The following ANKFY1 variants were observed in gnomAD, a reference collection of about 807,000 sequenced individuals.
ANKFY1 encodes the protein ankyrin repeat and FYVE domain-containing protein 1.
ANKFY1 carries 47 observed loss-of-function variants against 128.3 expected under a neutral mutation model. The observed-to-expected ratio is 0.37, with a 90% CI of 0.29 to 0.47. The LOEUF (loss-of-function observed/expected upper bound fraction) is 0.47, where lower values mean the gene tolerates loss of function less well. ANKFY1 is among the 20% of genes least tolerant of loss of function. The pLI is 1.00. For missense variants in ANKFY1, 1,222 were observed against 1,510.6 expected (o/e 0.81, Z 3.17); for synonymous variants, 553 against 601.6 (o/e 0.92, Z 1.18).
At chr17:4,218,997 GAC>G (rs1471698286) in intron 3 of ANKFY1, among the ~76,000 whole-genome samples, 8 of 152,086 alleles carry the variant, frequency 5.3e-5, no homozygotes, top group African/African-American at 1.9e-4. Context: ...TAGAGAGGCA[GAC>G]ACACATTTTT....
At chr17:4,209,473 G>A (rs2060087743) in intron 5 of ANKFY1, among the ~76,000 whole-genome samples, 1 of 152,148 alleles carries the variant, frequency 6.6e-6, no homozygotes, top group Admixed American at 6.5e-5. Flanking sequence ...GCTAATTTTT[G>A]TATTTTTAGT....
At chr17:4,241,813 G>A (rs566003030) in intron 2 of ANKFY1, among the ~76,000 whole-genome samples, 59 of 151,802 alleles carry the variant, frequency 3.9e-4, no homozygotes, top group African/African-American at 1.9e-4. Context: ...CCTCGGGCCC[G>A]GCACGGTGGC....
At chr17:4,263,741 A>G (rs2143625714) in intron 1 of ANKFY1, 191 bp downstream of exon 1, 2 of 1,492,742 alleles carry the variant, frequency 1.3e-6, no homozygotes, top group East Asian at 2.5e-5. Context: ...CGCGGGAGGG[A>G]CGTTGTCATA....
At chr17:4,241,850 GA>G (rs1309023101) in intron 2 of ANKFY1, among the ~76,000 whole-genome samples, 1 of 151,794 alleles carries the variant, frequency 6.6e-6, no homozygotes, top group African/African-American at 2.4e-5. Flanking sequence ...AGCACTCTGG[GA>G]GGCCGAGGCA....
intron 11 of ANKFY1, among the ~76,000 whole-genome samples, chr17:4,185,369 C>A (rs2059593159): frequency 6.6e-6 from 1 of 152,136 alleles, no homozygotes; most frequent in Non-Finnish European, 1.5e-5. Context: ...CCACACCCAG[C>A]TAATTTTTGT....
At chr17:4,179,432 T>C (rs2059469488) in intron 17 of ANKFY1, 1 of 526,254 alleles carries the variant, frequency 1.9e-6, no homozygotes, top group African/African-American at 1.9e-5. Context: ...TGGGACATTT[T>C]CCTAAATACA....
intron 7 of ANKFY1, among the ~76,000 whole-genome samples, chr17:4,202,696 C>CAAA (rs60561665): frequency 0.36 from 26,404 of 73,488 alleles, 5,918 homozygotes; most frequent in East Asian, 0.5. Context: ...AACTCCGTCT[C>CAAA]AAAAAAAAAA....
intron 1 of ANKFY1, among the ~76,000 whole-genome samples, chr17:4,254,748 A>G (rs188563497): frequency 9.6e-4 from 146 of 152,366 alleles, no homozygotes; most frequent in African/African-American, 3.4e-3. Context: ...ACATCATTCT[A>G]TGGAGTAAAA....
chr17:4,262,609 T>C (rs1968481707), intron 1 of ANKFY1, among the ~76,000 whole-genome samples: 1 of 150,390 alleles, frequency 6.6e-6, no homozygotes, highest in South Asian at 2.2e-4. Context: ...TAGCCGGGTG[T>C]GGTGGCGAGC....
At position 4,176,999 on chromosome 17, in the gene ANKFY1, C is replaced by T. The variant is rs2059421299; in HGVS notation, c.2775+127G>A. The T allele has an allele frequency of 5.8e-6, 6 of 1,038,166 alleles. No homozygotes were observed. In the African/African-American group the frequency reaches 6.6e-5, roughly 11 times the overall value. The allele number at this position is 1,038,166 out of a possible 1,614,324, so 64.3% of individuals were successfully genotyped here. A position where few individuals can be genotyped will look rare whatever the true frequency, so the allele number is the denominator to read the frequency against. Reference sequence around the variant, plus strand: ...GACACCAGTTTCCTGAGTGCACCAGCCTCGCTCCCCAAATTCCCCAGGTGC... The same window carrying T: ...GACACCAGTTTCCTGAGTGCACCAGTCTCGCTCCCCAAATTCCCCAGGTGC... On this transcript the variant is annotated intron_variant, in intron 19 of 24. Transcript: ENST00000341657.
chr17:4,215,382 C>T (rs1372163885), intron 4 of ANKFY1, among the ~76,000 whole-genome samples: 3 of 151,312 alleles, frequency 2.0e-5, no homozygotes, highest in East Asian at 1.9e-4. Context: ...ACTATAAAAA[C>T]TTCCTTTTCA....
Position 4,263,777 on chromosome 17 carries a change from G to A in ANKFY1, c.10+155C>T, listed in dbSNP as rs771886110. 21 of 1,568,466 alleles carry A rather than the reference G, an allele frequency of 1.3e-5. No homozygotes were observed. In the Admixed American group the frequency reaches 2.6e-4, roughly 20 times the overall value. ...GGAACCGCGCTCCGGACCCCGGCCC[G>A]AGAAGCTCCGGAGAGGCTAGACAGG... On this transcript the variant is annotated intron_variant, in intron 1 of 24. Coordinates refer to ENST00000341657, the MANE Select transcript of ANKFY1 (RefSeq NM_001330063.2).
chr17:4,234,370 G>T (rs781177766), intron 3 of ANKFY1, among the ~76,000 whole-genome samples: 12 of 152,104 alleles, frequency 7.9e-5, no homozygotes, highest in Non-Finnish European at 1.5e-4. Context: ...AGTACTAAAT[G>T]AAAATGCAAC....
chr17:4,256,236 G>T (rs1361926339), intron 1 of ANKFY1, among the ~76,000 whole-genome samples: 2 of 152,066 alleles, frequency 1.3e-5, no homozygotes, highest in Non-Finnish European at 2.9e-5. Context: ...AGACCATCCT[G>T]GCTAACAGAG....
intron 2 of ANKFY1, among the ~76,000 whole-genome samples, chr17:4,238,578 A>G (rs1967036196): frequency 2.0e-5 from 3 of 151,526 alleles, no homozygotes; most frequent in South Asian, 4.2e-4. Flanking sequence ...GGTTCAAGCG[A>G]TTCTCCTGCC....
At chr17:4,228,590 T>G (rs1176666406) in intron 3 of ANKFY1, among the ~76,000 whole-genome samples, 1 of 152,158 alleles carries the variant, frequency 6.6e-6, no homozygotes, top group African/African-American at 2.4e-5. Flanking sequence ...TAATTTTTTG[T>G]ATTTTTAGTA....
intron 1 of ANKFY1, among the ~76,000 whole-genome samples, chr17:4,248,248 A>T (rs1036982717): frequency 6.6e-6 from 1 of 152,222 alleles, no homozygotes; most frequent in Non-Finnish European, 1.5e-5. Context: ...GCGAGTCAGC[A>T]TGACCACCTG....
chr17:4,189,591 G>C, intron 10 of ANKFY1, 112 bp from the exon 11 acceptor site: 1 of 929,204 alleles, frequency 1.1e-6, no homozygotes, highest in African/African-American at 1.6e-5. Context: ...ACGCCAGACA[G>C]TAGGCCCACA....
intron 3 of ANKFY1, among the ~76,000 whole-genome samples, chr17:4,224,647 T>C (rs1365306779): frequency 4.2e-5 from 6 of 144,074 alleles, no homozygotes; most frequent in Non-Finnish European, 9.4e-5. Context: ...AAACTGCCCT[T>C]GCATGGAAAA....
Sources: gnomAD v4.1 joint callset for allele counts (sites outside exome capture counted in the v4.1 genomes callset) on GRCh38, gnomAD v4.1.1 for gene constraint, MANE v1.5 for transcripts, NCBI Gene and HGNC (gene_info 2026-07-23, HGNC 2026-07-21) for gene names.